The following AOAH variants were observed in gnomAD, a reference collection of about 807,000 sequenced individuals.
AOAH encodes the protein acyloxyacyl hydrolase (neutrophil).
A neutral mutation model predicts 92.2 loss-of-function variants in AOAH; 64 were observed. That is an observed-to-expected ratio of 0.69 (90% CI 0.57 to 0.86). The LOEUF is 0.86. Ranked by LOEUF, AOAH falls within the 40% of genes least tolerant of loss-of-function variation. The pLI is 0.00. For missense variants in AOAH, 656 were observed against 694.6 expected (o/e 0.94, Z 0.62); for synonymous variants, 263 against 254.5 (o/e 1.03, Z -0.32).
At chr7:36,562,153 A>G (rs1390118047) in intron 13 of AOAH, among the ~76,000 whole-genome samples, 1 of 152,016 alleles carries the variant, frequency 6.6e-6, no homozygotes, top group East Asian at 1.9e-4. Flanking sequence ...TTCTCATGTC[A>G]CTGTTTCTTG....
chr7:36,668,366 T>A (rs1795691591), intron 3 of AOAH, among the ~76,000 whole-genome samples: 1 of 152,258 alleles, frequency 6.6e-6, no homozygotes, highest in Non-Finnish European at 1.5e-5. Flanking sequence ...GTACAGATTA[T>A]CTTTCTTTAA....
At chr7:36,721,086 G>A (rs1799605188) in intron 1 of AOAH, among the ~76,000 whole-genome samples, 1 of 152,032 alleles carries the variant, frequency 6.6e-6, no homozygotes, top group Non-Finnish European at 1.5e-5. Context: ...CCAGGATCCC[G>A]TATCAGGAGA....
chr7:36,514,488 C>T (rs1292330630), intron 20 of AOAH: 13 of 1,535,622 alleles, frequency 8.5e-6, no homozygotes, highest in East Asian at 4.9e-5. Context: ...GTTCTGCTGT[C>T]GCATGTCAGG....
chr7:36,717,625 A>AT (rs994490205), intron 1 of AOAH, among the ~76,000 whole-genome samples: 65 of 151,068 alleles, frequency 4.3e-4, no homozygotes, highest in African/African-American at 1.6e-3. Context: ...GGCGGCCAAC[A>AT]TTTTTTGTTT....
intron 13 of AOAH, among the ~76,000 whole-genome samples, chr7:36,563,917 G>A (rs1052105916): frequency 6.6e-6 from 1 of 152,154 alleles, no homozygotes; most frequent in Non-Finnish European, 1.5e-5. Context: ...ATTGTTTGTT[G>A]TGGCAGTTTC....
At chr7:36,624,600 C>T (rs1216358397) in intron 6 of AOAH, among the ~76,000 whole-genome samples, 1 of 152,204 alleles carries the variant, frequency 6.6e-6, no homozygotes, top group Non-Finnish European at 1.5e-5. Flanking sequence ...CCCTTGGGAA[C>T]TGGAGCTGGC....
In AOAH at chr7:36,695,877, G is replaced by A. The variant is rs559266282; in HGVS notation, c.128-9083C>T. Among the ~76,000 whole-genome samples, 7 of 152,222 alleles carry A rather than the reference G, an allele frequency of 4.6e-5. No homozygotes were observed. The South Asian group carries it at 6.2e-4, about 14-fold the overall frequency. On this transcript the variant is annotated intron_variant, in intron 1 of 20. Coordinates refer to ENST00000617537, the MANE Select transcript of AOAH (RefSeq NM_001637.4). ...GAATCTTTGCCTCATTCAATGTCAC[G>A]GAGATTTCCTTTTAGAAGTTTTATA... is the stretch of plus-strand genomic sequence containing the variant.
intron 12 of AOAH, among the ~76,000 whole-genome samples, chr7:36,589,139 G>A (rs887113880): frequency 6.6e-6 from 1 of 152,032 alleles, no homozygotes; most frequent in Non-Finnish European, 1.5e-5. Flanking sequence ...ACTGACTCCT[G>A]GCCCCACCTT....
At chr7:36,588,042 T>C (rs903022862) in intron 12 of AOAH, among the ~76,000 whole-genome samples, 2 of 152,236 alleles carry the variant, frequency 1.3e-5, no homozygotes, top group Admixed American at 6.5e-5. Context: ...GCAGTACAAA[T>C]GCTTTATGCA....
intron 10 of AOAH, among the ~76,000 whole-genome samples, chr7:36,616,945 G>A (rs1791936529): frequency 6.6e-6 from 1 of 152,204 alleles, no homozygotes; most frequent in Non-Finnish European, 1.5e-5. Flanking sequence ...CTGGATAGAT[G>A]ATTCTGACTG....
chr7:36,714,130 A>C (rs566058147), intron 1 of AOAH, among the ~76,000 whole-genome samples: 1 of 152,330 alleles, frequency 6.6e-6, no homozygotes, highest in Admixed American at 6.5e-5. Flanking sequence ...TGCAATAAAA[A>C]ATGATAAAGG....
chr7:36,628,120 C>T (rs113160977), intron 6 of AOAH, among the ~76,000 whole-genome samples: 1 of 151,654 alleles, frequency 6.6e-6, no homozygotes, highest in East Asian at 1.9e-4. Context: ...GGGGCAGGAC[C>T]GATGTGGGTG....
At chr7:36,672,955 C>T (rs1014935466) in intron 3 of AOAH, among the ~76,000 whole-genome samples, 16 of 151,274 alleles carry the variant, frequency 1.1e-4, no homozygotes, top group African/African-American at 3.9e-4. Flanking sequence ...ATAGAAAAAC[C>T]TCCATAATTT....
intron 4 of AOAH, among the ~76,000 whole-genome samples, chr7:36,653,569 G>A (rs1794706954): frequency 6.6e-6 from 1 of 152,128 alleles, no homozygotes; most frequent in Admixed American, 6.6e-5. Context: ...GAGAGCTTTT[G>A]GTTCTTGTAG....
At chr7:36,600,764 T>C (rs568582318) in intron 11 of AOAH, among the ~76,000 whole-genome samples, 3 of 152,278 alleles carry the variant, frequency 2.0e-5, no homozygotes, top group East Asian at 3.9e-4. Context: ...CTGGGCTAGA[T>C]AGTCCTTGAA....
chr7:36,584,640 G>T lies in AOAH; in HGVS notation c.939-7984C>A, dbSNP rs577716769. On this transcript the variant is annotated intron_variant, in intron 12 of 20. Transcript: ENST00000617537. ...GTGATTTAATATTTTAATTAATTTT[G>T]CTAATTTCTTGCAGAATACTTATTA... is the stretch of plus-strand genomic sequence containing the variant. Among the ~76,000 whole-genome samples the T allele has an allele frequency of 3.9e-5, 6 of 152,136 alleles. No homozygotes were observed. The East Asian group carries it at 9.7e-4, about 24-fold the overall frequency.
intron 11 of AOAH, among the ~76,000 whole-genome samples, chr7:36,601,001 T>A (rs905449454): frequency 1.3e-5 from 2 of 151,592 alleles, no homozygotes; most frequent in Non-Finnish European, 2.9e-5. Context: ...CACCCTACTC[T>A]TCTGCACCCA....
chr7:36,691,382 G>T (rs1254324190), intron 1 of AOAH, among the ~76,000 whole-genome samples: 1 of 152,186 alleles, frequency 6.6e-6, no homozygotes, highest in Non-Finnish European at 1.5e-5. Flanking sequence ...TGCTGGCCTT[G>T]TTTCCCTAAG....
chr7:36,697,072 A>G (rs1159538183), intron 1 of AOAH, among the ~76,000 whole-genome samples: 1 of 152,074 alleles, frequency 6.6e-6, no homozygotes, highest in African/African-American at 2.4e-5. Context: ...TCTTGAGTAC[A>G]ATGTTGACTA....
Sources: gnomAD v4.1 joint callset for allele counts (sites outside exome capture counted in the v4.1 genomes callset) on GRCh38, gnomAD v4.1.1 for gene constraint, MANE v1.5 for transcripts, NCBI Gene and HGNC (gene_info 2026-07-23, HGNC 2026-07-21) for gene names.